MGA: variants seen among roughly 807,000 people sequenced by gnomAD.
MGA encodes MAX dimerization protein MGA, also known as MAX gene-associated protein.
A neutral mutation model predicts 261.1 loss-of-function variants in MGA; 40 were observed. That is an observed-to-expected ratio of 0.15 (90% confidence interval 0.12 to 0.20). MGA has a LOEUF of 0.20. Ranked by LOEUF, MGA falls within the 10% of genes least tolerant of loss-of-function variation. The pLI is 1.00. For synonymous variants in MGA, 1,302 were observed against 1,290.6 expected, an observed-to-expected ratio of 1.01 and a Z score of -0.19; for missense variants, 3,397 against 3,630.5, an observed-to-expected ratio of 0.94 and a Z score of 1.65.
intron 2 of MGA, among the ~76,000 whole-genome samples, chr15:41,688,175 A>G (rs2059067765): frequency 6.6e-6 from 1 of 152,154 alleles, no homozygotes; most frequent in Admixed American, 6.6e-5. Context: ...TCCCGGGTTC[A>G]AGCGATTCTC....
At chr15:41,672,442 G>A (rs1473722717) in intron 2 of MGA, among the ~76,000 whole-genome samples, 1 of 152,176 alleles carries the variant, frequency 6.6e-6, no homozygotes. Context: ...GGCATGAGCT[G>A]CCACACCCAG....
At chr15:41,650,483 G>C (rs542362757) in intron 1 of MGA, among the ~76,000 whole-genome samples, 2 of 152,040 alleles carry the variant, frequency 1.3e-5, no homozygotes, top group East Asian at 1.9e-4. Context: ...CATCACCCAG[G>C]CTGGAGTGCA....
At position 41,643,188 on chromosome 15, in the gene MGA, G is replaced by A. The variant is rs1360855040; in HGVS notation, c.-68+21890G>A. Among the ~76,000 whole-genome samples, 7 of 149,576 alleles carry A rather than the reference G, an allele frequency of 4.7e-5. No individual in the cohort carries two copies. The East Asian group carries it at 1.4e-3, about 29-fold the overall frequency. ...CAAAGTGCTGGGATTACAGGTGTGA[G>A]CCATGGTGCCTGGCTCTTTTTTTTT... On this transcript the variant is annotated intron_variant, in intron 1 of 8. Transcript: ENST00000566718.
chr15:41,699,190 T>G (rs1246492016), intron 5 of MGA, 31 bp downstream of exon 5: 3 of 1,366,698 alleles, frequency 2.2e-6, no homozygotes, highest in Non-Finnish European at 3.0e-6. Context: ...TTTTTTTTGT[T>G]TTCTTTTTTT....
At chr15:41,738,904 G>A (rs2061939806) in intron 13 of MGA, among the ~76,000 whole-genome samples, 1 of 152,184 alleles carries the variant, frequency 6.6e-6, no homozygotes, top group African/African-American at 2.4e-5. Flanking sequence ...AAGTAGCAAA[G>A]AGTAATTTTG....
At position 41,625,351 on chromosome 15, in the gene MGA, A is replaced by G. The variant is rs1336230824; in HGVS notation, c.-68+4053A>G. ...GCCAGCCAATTTTTTTAAGTTTAGG[A>G]GATCCAGTAATCAGCAAAGCCTGGC... On this transcript the variant is annotated intron_variant, in intron 1 of 8. Coordinates refer to the MGA transcript ENST00000566718. Among the ~76,000 whole-genome samples the G allele has an allele frequency of 2.0e-5, 3 of 152,048 alleles. No individual in the cohort carries two copies. The East Asian group carries it at 5.8e-4, about 29-fold the overall frequency.
At chr15:41,761,918 G>T (rs759249066) in intron 21 of MGA, 68 bp downstream of exon 21, 45 of 1,209,520 alleles carry the variant, frequency 3.7e-5, no homozygotes, top group Non-Finnish European at 4.9e-5. Flanking sequence ...ATCCTCAGTA[G>T]ATCTTTCAGA....
intron 9 of MGA, among the ~76,000 whole-genome samples, chr15:41,723,594 T>G (rs1328958784): frequency 6.6e-6 from 1 of 152,096 alleles, no homozygotes; most frequent in Non-Finnish European, 1.5e-5. Flanking sequence ...GCTTTTTATA[T>G]TCTGTAGAGA....
At position 41,672,923 on chromosome 15, in the gene MGA, T is replaced by C. The variant is rs139265046; in HGVS notation, c.1064+2965T>C. On this transcript the variant is annotated intron_variant, in intron 2 of 23. Transcript: ENST00000219905. ...CCCATTTTCTATTCAGTTACTGATA[T>C]ATGATTGCTCTGTCATTCTTTGTTT... Among the ~76,000 whole-genome samples, 22 of 152,274 alleles carry C rather than the reference T, an allele frequency of 1.4e-4. No individual in the cohort carries two copies. The East Asian group carries it at 3.7e-3, about 25-fold the overall frequency.
chr15:41,686,987 A>G (rs2059003063), intron 2 of MGA, among the ~76,000 whole-genome samples: 1 of 152,056 alleles, frequency 6.6e-6, no homozygotes, highest in South Asian at 2.1e-4. Context: ...ACACGTTGCA[A>G]AGTGTTCTGT....
chr15:41,733,514 CCTT>C (rs1387220475), intron 11 of MGA, among the ~76,000 whole-genome samples: 1 of 152,200 alleles, frequency 6.6e-6, no homozygotes. Context: ...GGGGGCTCCA[CCTT>C]CGCTTGTACT....
intron 1 of MGA, among the ~76,000 whole-genome samples, chr15:41,651,397 G>A (rs114391370): frequency 0.019 from 2,823 of 152,154 alleles, 82 homozygotes; most frequent in African/African-American, 0.065. Flanking sequence ...ATAATTTATT[G>A]TAGTTCATTG....
chr15:41,628,563 T>C (rs2056514434), intron 1 of MGA, among the ~76,000 whole-genome samples: 1 of 151,922 alleles, frequency 6.6e-6, no homozygotes, highest in Non-Finnish European at 1.5e-5. Context: ...GGAATAGTAA[T>C]GCAAAGACTT....
chr15:41,666,989 C>G (rs1396152835), intron 1 of MGA, among the ~76,000 whole-genome samples: 1 of 152,124 alleles, frequency 6.6e-6, no homozygotes, highest in Non-Finnish European at 1.5e-5. Context: ...CTTAGAGATT[C>G]TATTATTTTA....
At chr15:41,734,045 C>G (rs1312811391) in intron 11 of MGA, among the ~76,000 whole-genome samples, 5 of 151,518 alleles carry the variant, frequency 3.3e-5, no homozygotes, top group Non-Finnish European at 7.4e-5. Flanking sequence ...CCAACTGGGA[C>G]TATAGGTGTG....
chr15:41,661,298 C>T (rs1320890502), intron 1 of MGA, among the ~76,000 whole-genome samples: 1 of 152,116 alleles, frequency 6.6e-6, no homozygotes, highest in Non-Finnish European at 1.5e-5. Context: ...AAGTAGGTCT[C>T]TGCCCTCAGT....
chr15:41,713,126 T>C (rs1177896936), intron 8 of MGA, 25 bp from the exon 9 acceptor site: 1 of 1,600,544 alleles, frequency 6.2e-7, no homozygotes, highest in Admixed American at 1.7e-5. Context: ...TTTAGTGGAA[T>C]TACAATTTTC....
intron 1 of MGA, among the ~76,000 whole-genome samples, chr15:41,636,282 TTTTTA>T (rs1342081980): frequency 1.3e-5 from 2 of 150,856 alleles, no homozygotes; most frequent in South Asian, 2.1e-4. Context: ...CAGACTAAAT[TTTTTA>T]TTTTATTTTA....
intron 11 of MGA, among the ~76,000 whole-genome samples, chr15:41,732,464 T>G (rs193273233): frequency 1.3e-5 from 2 of 152,250 alleles, no homozygotes; most frequent in Admixed American, 6.5e-5. Context: ...CCTTATTATA[T>G]CTTGTGACAC....
Sources: allele counts gnomAD v4.1 joint callset (sites outside exome capture counted in the v4.1 genomes callset), GRCh38; gene constraint gnomAD v4.1.1; transcripts MANE v1.5; gene names NCBI Gene and HGNC (gene_info 2026-07-23, HGNC 2026-07-21).